UNC5C: variants seen among roughly 807,000 people sequenced by gnomAD.
The protein encoded by UNC5C is netrin receptor UNC5C.
In UNC5C, 47 loss-of-function variants were observed where a neutral mutation model predicts 99.8. The ratio of observed to expected loss-of-function variants is 0.47; its 90% CI spans 0.37 to 0.60. The LOEUF is 0.60. UNC5C is among the 20% of genes least tolerant of loss of function. UNC5C has a pLI of 0.00. For synonymous variants in UNC5C, 487 were observed against 452.2 expected, an observed-to-expected ratio of 1.08 and a Z score of -0.98; for missense variants, 1,062 against 1,165.9, an observed-to-expected ratio of 0.91 and a Z score of 1.30.
intron 1 of UNC5C, among the ~76,000 whole-genome samples, chr4:95,443,815 A>G (rs1353771325): frequency 6.6e-6 from 1 of 152,090 alleles, no homozygotes; most frequent in South Asian, 2.1e-4. Flanking sequence ...AGAATTTTCA[A>G]TCAAAGTACT....
intron 2 of UNC5C, among the ~76,000 whole-genome samples, chr4:95,321,233 T>G (rs912800822): frequency 3.9e-5 from 6 of 152,146 alleles, no homozygotes; most frequent in African/African-American, 1.4e-4. Context: ...TCTATAATAC[T>G]GATATTTGCA....
intron 6 of UNC5C, among the ~76,000 whole-genome samples, chr4:95,244,355 A>C (rs1261988198): frequency 6.6e-6 from 1 of 152,208 alleles, no homozygotes; most frequent in Non-Finnish European, 1.5e-5. Flanking sequence ...GTACAGAAAG[A>C]TGCTAAGAGG....
At chr4:95,170,038 A>G (rs1736025349) in intron 15 of UNC5C, 116 bp downstream of exon 15, 2 of 1,389,146 alleles carry the variant, frequency 1.4e-6, no homozygotes, top group African/African-American at 2.9e-5. Flanking sequence ...GCAAAATGAA[A>G]AATTAAATAG....
intron 1 of UNC5C, among the ~76,000 whole-genome samples, chr4:95,379,602 C>T (rs1014121945): frequency 6.6e-5 from 10 of 152,244 alleles, no homozygotes; most frequent in South Asian, 4.1e-4. Context: ...GGAAATATCC[C>T]CAGTGGACTC....
intron 1 of UNC5C, among the ~76,000 whole-genome samples, chr4:95,484,062 A>C (rs184920438): frequency 1.0e-3 from 158 of 151,932 alleles, no homozygotes; most frequent in Non-Finnish European, 1.8e-3. Context: ...AAAAATATTA[A>C]AAAAACCATA....
At chr4:95,288,358 C>T (rs1324982034) in intron 3 of UNC5C, among the ~76,000 whole-genome samples, 3 of 152,136 alleles carry the variant, frequency 2.0e-5, no homozygotes, top group African/African-American at 7.2e-5. Flanking sequence ...GCTGGGATTA[C>T]AGGCGTGAGC....
chr4:95,521,989 G>A (rs951182727), intron 1 of UNC5C, among the ~76,000 whole-genome samples: 7 of 151,860 alleles, frequency 4.6e-5, no homozygotes, highest in Admixed American at 2.6e-4. Context: ...TCAGAAATGT[G>A]CATTTCTTTT....
chr4:95,331,612 C>T (rs1338749463), intron 2 of UNC5C, among the ~76,000 whole-genome samples: 2 of 152,086 alleles, frequency 1.3e-5, no homozygotes, highest in African/African-American at 4.8e-5. Flanking sequence ...TTTCCTAAAT[C>T]TTCTCTTAGT....
chr4:95,301,154 G>A (rs988787674), intron 3 of UNC5C, among the ~76,000 whole-genome samples: 12 of 150,666 alleles, frequency 8.0e-5, no homozygotes, highest in African/African-American at 2.9e-4. Context: ...AGAGGAATAT[G>A]TGGCTCAAAT....
chr4:95,413,952 G>C (rs1047447822), intron 1 of UNC5C, among the ~76,000 whole-genome samples: 3 of 152,178 alleles, frequency 2.0e-5, no homozygotes, highest in African/African-American at 7.2e-5. Context: ...AAGAAAAGCT[G>C]TTCCATAATT....
At chr4:95,253,895 C>T (rs1404782673) in intron 4 of UNC5C, among the ~76,000 whole-genome samples, 1 of 152,190 alleles carries the variant, frequency 6.6e-6, no homozygotes, top group Non-Finnish European at 1.5e-5. Context: ...TCCATACCGC[C>T]TGGAAGACAG....
intron 1 of UNC5C, among the ~76,000 whole-genome samples, chr4:95,440,399 C>T (rs1380484201): frequency 6.6e-6 from 1 of 151,994 alleles, no homozygotes; most frequent in Non-Finnish European, 1.5e-5. Flanking sequence ...ACAAAACAGA[C>T]CAATTTTTTC....
chr4:95,450,037 A>G (rs1747236247), intron 1 of UNC5C, among the ~76,000 whole-genome samples: 2 of 152,170 alleles, frequency 1.3e-5, no homozygotes, highest in African/African-American at 4.8e-5. Flanking sequence ...ATGTCAATTT[A>G]ATTTTAGTCA....
At chr4:95,482,215 T>A (rs1163115829) in intron 1 of UNC5C, among the ~76,000 whole-genome samples, 3 of 151,276 alleles carry the variant, frequency 2.0e-5, no homozygotes, top group South Asian at 2.1e-4. Context: ...AACAGACACT[T>A]CTCAAAAGAA....
intron 1 of UNC5C, among the ~76,000 whole-genome samples, chr4:95,375,969 C>T (rs1225056889): frequency 6.6e-5 from 10 of 151,976 alleles, no homozygotes; most frequent in East Asian, 3.9e-4. Flanking sequence ...AGGAGAATGG[C>T]GTGAACCTGG....
At chr4:95,389,558 T>A (rs1453768797) in intron 1 of UNC5C, among the ~76,000 whole-genome samples, 1 of 152,096 alleles carries the variant, frequency 6.6e-6, no homozygotes, top group Admixed American at 6.6e-5. Context: ...ACTGAATTTT[T>A]AATTTTAATT....
intron 1 of UNC5C, among the ~76,000 whole-genome samples, chr4:95,473,045 C>T (rs917733503): frequency 6.6e-6 from 1 of 151,976 alleles, no homozygotes; most frequent in Non-Finnish European, 1.5e-5. Context: ...TATCTTATAC[C>T]TTGCTCCCAA....
chr4:95,310,686 C>T (rs766389719), intron 2 of UNC5C, among the ~76,000 whole-genome samples: 12 of 149,864 alleles, frequency 8.0e-5, no homozygotes, highest in Non-Finnish European at 1.3e-4. Context: ...TTTTTATGGC[C>T]ATAGTTTTTA....
chr4:95,484,713 T>G (rs185785714), intron 1 of UNC5C, among the ~76,000 whole-genome samples: 3 of 151,954 alleles, frequency 2.0e-5, no homozygotes, highest in Admixed American at 2.0e-4. Context: ...GTTAAGCCAC[T>G]GAGGTTTGGA....
Sources: gnomAD v4.1 joint callset for allele counts (sites outside exome capture counted in the v4.1 genomes callset) on GRCh38, gnomAD v4.1.1 for gene constraint, MANE v1.5 for transcripts, NCBI Gene and HGNC (gene_info 2026-07-23, HGNC 2026-07-21) for gene names.